The following PXK variants were observed in gnomAD, a reference collection of about 807,000 sequenced individuals.
PXK encodes the protein PX domain-containing protein kinase-like protein.
PXK carries 35 observed loss-of-function variants against 84.7 expected under a neutral mutation model. That is an observed-to-expected ratio of 0.41 (90% CI 0.32 to 0.55). PXK has a LOEUF of 0.55. Among genes scored for constraint, PXK ranks in the 20% least tolerant of loss-of-function variants. PXK has a pLI of 0.21. For synonymous variants in PXK, 253 were observed against 260.8 expected (o/e 0.97, Z 0.29); for missense variants, 634 against 699.7 (o/e 0.91, Z 1.06).
chr3:58,342,961 GCACCTCTTTAT>G (rs2097763451), intron 1 of PXK, among the ~76,000 whole-genome samples: 7 of 152,196 alleles, frequency 4.6e-5, no homozygotes, highest in Non-Finnish European at 1.0e-4. Flanking sequence ...TGCTGTCGCA[GCACCTCTTTAT>G]AATATTTAAA....
chr3:58,342,875 T>C (rs1289444737), intron 1 of PXK, among the ~76,000 whole-genome samples: 32 of 152,198 alleles, frequency 2.1e-4, no homozygotes, highest in Non-Finnish European at 4.4e-5. Context: ...TGTGCACAGA[T>C]GACTTATTAG....
intron 17 of PXK, chr3:58,423,444 TGA>T (rs1560165160): frequency 1.3e-6 from 2 of 1,526,998 alleles, no homozygotes; most frequent in Non-Finnish European, 1.8e-6. Context: ...TGTATTTGTG[TGA>T]TTCTTTAATT....
chr3:58,346,693 C>T (rs1032493761), intron 1 of PXK, among the ~76,000 whole-genome samples: 2 of 151,540 alleles, frequency 1.3e-5, no homozygotes, highest in Non-Finnish European at 2.9e-5. Flanking sequence ...GAGTCTCACT[C>T]TGTCACCAAG....
Position 58,421,460 on chromosome 3 carries a change from A to C in PXK, c.1529-3292A>C. ...GGTGGGCATGGTACCACGCGCCTGTAATCCCAGCTACTCGGGAGGCTGAGG... is the reference window on the plus strand; with the variant it reads ...GGTGGGCATGGTACCACGCGCCTGTCATCCCAGCTACTCGGGAGGCTGAGG... On this transcript the variant is annotated intron_variant, in intron 17 of 17. Transcript: ENST00000356151. This position sits in a 1 kb window ranked among gnomAD's most constrained non-coding sequence, Gnocchi z 5.5. 2 of 776,090 alleles carry C rather than the reference A, an allele frequency of 2.6e-6. No individual in the cohort carries two copies. Among genetic ancestry groups the C allele is most frequent in the Non-Finnish European group, 1.6e-6 (1 of 638,134 alleles). The allele number at this position is 776,090 out of a possible 1,614,324, so 48.1% of individuals were successfully genotyped here. A position where few individuals can be genotyped will look rare whatever the true frequency, so the allele number is the denominator to read the frequency against.
At chr3:58,354,447 A>AATTTTTTTTTTTTTTTTT (rs1559898591) in intron 1 of PXK, among the ~76,000 whole-genome samples, 1 of 141,312 alleles carries the variant, frequency 7.1e-6, no homozygotes, top group Non-Finnish European at 1.5e-5. Flanking sequence ...GCTGCTTCCT[A>AATTTTTTTTTTTTTTTTT]GTTTTTTTTT....
intron 1 of PXK, among the ~76,000 whole-genome samples, chr3:58,349,846 C>T (rs9817356): frequency 0.24 from 36,057 of 152,052 alleles, 4,451 homozygotes; most frequent in African/African-American, 0.3. Context: ...AGCCTTAGGT[C>T]ACTGCTCTCT....
At position 58,370,795 on chromosome 3, in the gene PXK, T is replaced by C. The variant is rs1191855089; in HGVS notation, c.201+1317T>C. ...GGGTGGATCACCTGAGGTCAGGAGT[T>C]CAAGACCAGCCTGGCTAACATGGCG... On this transcript the variant is annotated intron_variant, in intron 3 of 17. Transcript: ENST00000356151. This position sits in a 1 kb window ranked among gnomAD's most constrained non-coding sequence, Gnocchi z 4.2. 6.6e-6 allele frequency among the ~76,000 whole-genome samples: 1 copy of C among 152,034 alleles called. No individual in the cohort carries two copies. The highest frequency in any genetic ancestry group is 1.5e-5 in the Non-Finnish European group (1 of 68,004).
intron 1 of PXK, among the ~76,000 whole-genome samples, chr3:58,339,573 C>G (rs1347841769): frequency 6.6e-6 from 1 of 152,064 alleles, no homozygotes; most frequent in Non-Finnish European, 1.5e-5. Context: ...GCTGGTGATA[C>G]TCAATCCCTG....
intron 4 of PXK, among the ~76,000 whole-genome samples, chr3:58,388,585 G>A (rs1181343118): frequency 3.9e-5 from 6 of 152,194 alleles, no homozygotes; most frequent in Non-Finnish European, 8.8e-5. Context: ...TGTTTCTGCT[G>A]CACCCAGATC....
intron 3 of PXK, 149 bp from the exon 4 acceptor site, chr3:58,382,365 A>G: frequency 1.7e-6 from 1 of 583,322 alleles, no homozygotes; most frequent in African/African-American, 1.9e-5. Flanking sequence ...TTCTAAATGC[A>G]GTTTTTCACA....
chr3:58,387,102 G>T (rs2098557711), intron 4 of PXK, among the ~76,000 whole-genome samples: 1 of 152,208 alleles, frequency 6.6e-6, no homozygotes, highest in Non-Finnish European at 1.5e-5. Flanking sequence ...TGCGATCCAG[G>T]AATTCAATGA....
chr3:58,384,619 T>C (rs1345342437), intron 4 of PXK, among the ~76,000 whole-genome samples: 1 of 152,154 alleles, frequency 6.6e-6, no homozygotes, highest in Non-Finnish European at 1.5e-5. Flanking sequence ...TTCCCAAAAT[T>C]GTCAGACAGC....
At chr3:58,352,911 G>A (rs888132924) in intron 1 of PXK, among the ~76,000 whole-genome samples, 1 of 152,150 alleles carries the variant, frequency 6.6e-6, no homozygotes, top group Admixed American at 6.5e-5. Context: ...TGATCATGAC[G>A]CTCATCTCAC....
chr3:58,417,562 C>T (rs2061177214), intron 17 of PXK, among the ~76,000 whole-genome samples: 1 of 152,146 alleles, frequency 6.6e-6, no homozygotes, highest in Non-Finnish European at 1.5e-5. Context: ...CTGGCAGTTC[C>T]ATTGGGTGGG....
chr3:58,363,245 A>T (rs1234960825), intron 1 of PXK, among the ~76,000 whole-genome samples: 11 of 152,026 alleles, frequency 7.2e-5, no homozygotes, highest in Admixed American at 7.2e-4. Context: ...ATGGTATTGT[A>T]TTTCTAATTT....
rs1194689560 is a variant in PXK at position 58,426,071 on chromosome 3, AG to A, written c.*1112del. 6.6e-6 allele frequency: 1 copy of A among 152,208 alleles called. No individual in the cohort carries two copies. The highest frequency in any genetic ancestry group is 2.4e-5 in the African/African-American group (1 of 41,448). 9.4% of individuals were successfully genotyped at this position (152,208 alleles called of 1,614,324 possible). The stretch of plus-strand genomic sequence containing the variant: ...GATATTTCAAATGAGAACTTTTTGT[AG>A]CGTCTGTTGTTAGCAAAGAATAGAT... On this transcript the variant is annotated 3_prime_UTR_variant, in exon 18 of 18. Transcript: ENST00000356151.
chr3:58,418,933 G>A (rs1448075336), intron 17 of PXK, among the ~76,000 whole-genome samples: 1 of 152,142 alleles, frequency 6.6e-6, no homozygotes, highest in Non-Finnish European at 1.5e-5. Context: ...AGGCATACAA[G>A]TTTATTTAAT....
chr3:58,353,386 A>G lies in PXK; in HGVS notation c.103-12488A>G, dbSNP rs547759042. Among the ~76,000 whole-genome samples the G allele has an allele frequency of 2.6e-5, 4 of 152,318 alleles. No homozygotes were observed. In the East Asian group the frequency reaches 7.7e-4, roughly 29 times the overall value. On this transcript the variant is annotated intron_variant, in intron 1 of 17. Transcript: ENST00000356151. ...TATTCATCTGCCAAAATTTAGGTTAATACGGTAATGATTCTTCAGATGCCT... is the reference window on the plus strand; with the variant it reads ...TATTCATCTGCCAAAATTTAGGTTAGTACGGTAATGATTCTTCAGATGCCT...
At chr3:58,335,732 A>G (rs73835173) in intron 1 of PXK, among the ~76,000 whole-genome samples, 6,954 of 152,084 alleles carry the variant, frequency 0.046, 564 homozygotes, top group African/African-American at 0.16. Context: ...TACAGGTCTG[A>G]GCTGATACTT....
Sources: gnomAD v4.1 joint callset for allele counts (sites outside exome capture counted in the v4.1 genomes callset) on GRCh38, gnomAD v4.1.1 for gene constraint, Gnocchi (gnomAD v3.1) non-coding constraint, MANE v1.5 for transcripts, NCBI Gene and HGNC (gene_info 2026-07-23, HGNC 2026-07-21) for gene names.